SLCO3A1: variants seen among roughly 807,000 people sequenced by gnomAD.
SLCO3A1 encodes the protein PGE1 transporter.
In SLCO3A1, 27 loss-of-function variants were observed where a neutral mutation model predicts 63.1. The ratio of observed to expected loss-of-function variants is 0.43; its 90% CI spans 0.32 to 0.59. SLCO3A1 has a LOEUF of 0.59. SLCO3A1 is among the 20% of genes least tolerant of loss of function. SLCO3A1 has a pLI of 0.09. For synonymous variants in SLCO3A1, 473 were observed against 409.9 expected (o/e 1.15, Z -1.86); for missense variants, 773 against 945.8 (o/e 0.82, Z 2.40).
rs549058016 is a variant in SLCO3A1 at position 92,129,014 on chromosome 15, C to T, written c.1512+525C>T. 6.6e-5 allele frequency among the ~76,000 whole-genome samples: 10 copies of T among 152,282 alleles called. No homozygotes were observed. The South Asian group carries it at 1.2e-3, about 19-fold the overall frequency. On this transcript the variant is annotated intron_variant, in intron 7 of 9. Coordinates refer to ENST00000318445, the MANE Select transcript of SLCO3A1 (RefSeq NM_013272.4). ...AGGTGGGTTGCTTTTTCCTGCTTAGCGTGGATTTTACAATTGGCTGTCAGC... is the reference window on the plus strand; with the variant it reads ...AGGTGGGTTGCTTTTTCCTGCTTAGTGTGGATTTTACAATTGGCTGTCAGC...
intron 1 of SLCO3A1, among the ~76,000 whole-genome samples, chr15:91,914,277 A>T (rs72750094): frequency 0.07 from 10,601 of 152,208 alleles, 526 homozygotes; most frequent in Non-Finnish European, 0.11. Flanking sequence ...AGGAAGGGAG[A>T]GGCTGCTCTG....
chr15:91,953,527 G>A lies in SLCO3A1; in HGVS notation c.646+37069G>A, dbSNP rs528506914. 9.9e-5 allele frequency among the ~76,000 whole-genome samples: 15 copies of A among 152,284 alleles called. No homozygotes were observed. In the South Asian group the frequency reaches 1.2e-3, roughly 13 times the overall value. ...GGAGTAGGTGTTTGTCAGGCAGACC[G>A]GGTGTGCCAGGCAGAGGGGAGCCGC... On this transcript the variant is annotated intron_variant, in intron 2 of 9. Coordinates refer to ENST00000318445, the MANE Select transcript of SLCO3A1 (RefSeq NM_013272.4).
intron 2 of SLCO3A1, among the ~76,000 whole-genome samples, chr15:92,064,149 C>T (rs553417043): frequency 2.0e-5 from 3 of 152,310 alleles, no homozygotes; most frequent in Admixed American, 6.5e-5. Context: ...CATCAGTGAC[C>T]CCCATGGAGG....
chr15:92,092,150 C>G (rs995832130), intron 2 of SLCO3A1, among the ~76,000 whole-genome samples: 1 of 152,166 alleles, frequency 6.6e-6, no homozygotes, highest in African/African-American at 2.4e-5. Context: ...TCCTCACTTT[C>G]AACTGTACTG....
At chr15:92,091,893 C>CT (rs1419663851) in intron 2 of SLCO3A1, among the ~76,000 whole-genome samples, 2 of 152,236 alleles carry the variant, frequency 1.3e-5, no homozygotes, top group Non-Finnish European at 2.9e-5. Flanking sequence ...GAAAAAGCCA[C>CT]AATCCAAACT....
intron 5 of SLCO3A1, among the ~76,000 whole-genome samples, chr15:92,122,798 A>G (rs919465007): frequency 5.3e-5 from 8 of 152,264 alleles, no homozygotes; most frequent in East Asian, 1.9e-4. Flanking sequence ...AGAATGTTCT[A>G]TGGTAAACTA....
chr15:92,014,763 C>T (rs902740945), intron 2 of SLCO3A1, among the ~76,000 whole-genome samples: 1 of 152,116 alleles, frequency 6.6e-6, no homozygotes, highest in African/African-American at 2.4e-5. Context: ...TATTGTCCTT[C>T]TCTGTGGAGG....
intron 2 of SLCO3A1, among the ~76,000 whole-genome samples, chr15:91,973,312 T>A (rs1208884199): frequency 6.6e-6 from 1 of 152,218 alleles, no homozygotes; most frequent in Non-Finnish European, 1.5e-5. Flanking sequence ...GGCAGCCCTC[T>A]GAGATACCAT....
chr15:91,997,239 A>G (rs2046202122), intron 2 of SLCO3A1, among the ~76,000 whole-genome samples: 2 of 152,348 alleles, frequency 1.3e-5, no homozygotes, highest in East Asian at 1.9e-4. Context: ...CAAGAATGCA[A>G]TAACATTTAC....
chr15:92,069,838 C>T (rs1450075314), intron 2 of SLCO3A1, among the ~76,000 whole-genome samples: 1 of 152,156 alleles, frequency 6.6e-6, no homozygotes, highest in Non-Finnish European at 1.5e-5. Context: ...CCCACCCAGG[C>T]GACATAACTT....
intron 2 of SLCO3A1, among the ~76,000 whole-genome samples, chr15:92,006,692 A>G (rs2046317061): frequency 6.6e-6 from 1 of 152,166 alleles, no homozygotes; most frequent in Non-Finnish European, 1.5e-5. Flanking sequence ...TAAAGACTCA[A>G]CTCTTTTTCA....
intron 3 of SLCO3A1, among the ~76,000 whole-genome samples, chr15:92,098,497 A>G (rs895767167): frequency 1.3e-5 from 2 of 152,234 alleles, no homozygotes; most frequent in Non-Finnish European, 2.9e-5. Flanking sequence ...ACTGAAACCC[A>G]GGTGAGAACA....
chr15:92,109,008 A>G (rs1306171020), intron 4 of SLCO3A1, among the ~76,000 whole-genome samples: 1 of 152,168 alleles, frequency 6.6e-6, no homozygotes, highest in Non-Finnish European at 1.5e-5. Context: ...TCATCTGTTC[A>G]TTTCCAATGC....
intron 2 of SLCO3A1, among the ~76,000 whole-genome samples, chr15:92,035,955 G>A (rs116777141): frequency 0.014 from 2,044 of 148,164 alleles, 62 homozygotes; most frequent in African/African-American, 0.047. Context: ...ACTGCCTAGT[G>A]TAGACTCTAG....
chr15:92,134,696 G>A (rs1424128748), intron 7 of SLCO3A1, among the ~76,000 whole-genome samples: 1 of 152,194 alleles, frequency 6.6e-6, no homozygotes, highest in Non-Finnish European at 1.5e-5. Flanking sequence ...TCCAGTTTTT[G>A]TGTATATTTC....
intron 2 of SLCO3A1, among the ~76,000 whole-genome samples, chr15:91,957,230 A>G (rs1433693705): frequency 7.6e-6 from 1 of 131,784 alleles, no homozygotes; most frequent in Non-Finnish European, 1.5e-5. Context: ...ACTTCATATG[A>G]TCCGCTGGCT....
chr15:91,991,168 G>A (rs191808723), intron 2 of SLCO3A1, among the ~76,000 whole-genome samples: 61 of 152,244 alleles, frequency 4.0e-4, no homozygotes, highest in African/African-American at 9.4e-4. Flanking sequence ...CCAGAAGTTC[G>A]AGACCAGCCT....
rs778125370 is a variant in SLCO3A1 at position 91,886,880 on chromosome 15, A to G, written c.181-29113A>G. Among the ~76,000 whole-genome samples, 2 of 152,176 alleles carry G rather than the reference A, an allele frequency of 1.3e-5. No homozygotes were observed. The highest frequency in any genetic ancestry group is 2.9e-5 in the Non-Finnish European group (2 of 68,026). On this transcript the variant is annotated intron_variant, in intron 1 of 9. Transcript: ENST00000318445. The surrounding 1 kb of genome is among the most constrained non-coding windows in gnomAD (Gnocchi z 4.9). ...TTCTGTTTCTAGTCTTGCAATTTGT[A>G]TATTATCATTCAGAACCCCAGGCTC...
At position 91,972,157 on chromosome 15, in the gene SLCO3A1, A is replaced by G. The variant is rs17695159; in HGVS notation, c.646+55699A>G. On this transcript the variant is annotated intron_variant, in intron 2 of 9. Transcript: ENST00000318445. Reference sequence around the variant, plus strand: ...TGTAGAGCTCTATACCTATGATACCATATTGGAAAACGTCTACCATATTTG... The same window carrying G: ...TGTAGAGCTCTATACCTATGATACCGTATTGGAAAACGTCTACCATATTTG... 7.2e-3 allele frequency among the ~76,000 whole-genome samples: 1,090 copies of G among 152,268 alleles called. 39 individuals carry two copies. The highest frequency in any genetic ancestry group is 0.055 in the Admixed American group (837 of 15,296).
Sources: allele counts gnomAD v4.1 joint callset (sites outside exome capture counted in the v4.1 genomes callset), GRCh38; gene constraint gnomAD v4.1.1; non-coding constraint Gnocchi (gnomAD v3.1); transcripts MANE v1.5; gene names NCBI Gene and HGNC (gene_info 2026-07-23, HGNC 2026-07-21).